WWOX: variants seen among roughly 807,000 people sequenced by gnomAD.
The protein encoded by WWOX is WW domain containing oxidoreductase, also known as WW domain-containing oxidoreductase.
Under a neutral mutation model 46.2 loss-of-function variants are expected in WWOX, and 69 were observed. The observed-to-expected ratio is 1.49, with a 90% CI of 1.23 to 1.82. The LOEUF (loss-of-function observed/expected upper bound fraction) is 1.82, where lower values mean the gene tolerates loss of function less well. Ranked by LOEUF, WWOX falls within the 40% of genes most tolerant of loss-of-function variation. The probability of loss-of-function intolerance (pLI) is 0.00; values close to 1 mark genes in which losing one functional copy is unlikely to be tolerated. For synonymous variants in WWOX, 359 were observed against 202.6 expected (o/e 1.77, Z -6.56); for missense variants, 919 against 542.6 (o/e 1.69, Z -6.89).
At chr16:79,050,900 T>C (rs921833600) in intron 8 of WWOX, among the ~76,000 whole-genome samples, 5 of 152,222 alleles carry the variant, frequency 3.3e-5, no homozygotes, top group African/African-American at 9.6e-5. Flanking sequence ...TTCATCAATA[T>C]AAGCCCCATA....
intron 5 of WWOX, among the ~76,000 whole-genome samples, chr16:78,316,195 G>A (rs746691179): frequency 1.2e-4 from 18 of 151,974 alleles, no homozygotes; most frequent in African/African-American, 4.3e-4. Flanking sequence ...GCATTCAGTC[G>A]AGACCATGCT....
intron 8 of WWOX, among the ~76,000 whole-genome samples, chr16:78,651,757 C>T (rs1026732153): frequency 2.6e-5 from 4 of 152,172 alleles, no homozygotes; most frequent in South Asian, 2.1e-4. Context: ...GAACCTCTTT[C>T]GTATCAACTT....
At chr16:78,405,505 C>T (rs988670082) in intron 6 of WWOX, among the ~76,000 whole-genome samples, 2 of 152,172 alleles carry the variant, frequency 1.3e-5, no homozygotes, top group Non-Finnish European at 2.9e-5. Flanking sequence ...GTTGATGTTT[C>T]TCATTTTATT....
At chr16:78,335,249 G>A (rs1219994175) in intron 5 of WWOX, among the ~76,000 whole-genome samples, 1 of 152,208 alleles carries the variant, frequency 6.6e-6, no homozygotes, top group African/African-American at 2.4e-5. Flanking sequence ...ATGAAGCCCA[G>A]CGTCCATTAG....
chr16:79,012,323 C>T (rs1349396687), intron 8 of WWOX, among the ~76,000 whole-genome samples: 1 of 152,078 alleles, frequency 6.6e-6, no homozygotes, highest in Non-Finnish European at 1.5e-5. Context: ...ACCTACACTT[C>T]CTGGATTCAA....
intron 8 of WWOX, among the ~76,000 whole-genome samples, chr16:78,447,253 C>T (rs2083582587): frequency 1.3e-5 from 2 of 152,178 alleles, no homozygotes; most frequent in Admixed American, 6.5e-5. Flanking sequence ...TAACTCTGTA[C>T]ATTTACTCCT....
intron 8 of WWOX, among the ~76,000 whole-genome samples, chr16:79,041,409 C>A (rs1220134257): frequency 1.3e-5 from 2 of 152,216 alleles, no homozygotes; most frequent in African/African-American, 4.8e-5. Context: ...CACCACGCCC[C>A]TTGCGGTTCC....
chr16:78,900,233 C>G (rs1462738261), intron 8 of WWOX, among the ~76,000 whole-genome samples: 1 of 151,968 alleles, frequency 6.6e-6, no homozygotes, highest in South Asian at 2.1e-4. Context: ...AGATTAAAGT[C>G]TTTTCTCCTC....
chr16:79,077,514 C>A (rs2048680475), intron 8 of WWOX: 1 of 152,168 alleles, frequency 6.6e-6, no homozygotes, highest in African/African-American at 2.4e-5. Context: ...ATGGTCTAAA[C>A]TGTAAACATG....
At chr16:78,965,219 C>T (rs2046342715) in intron 8 of WWOX, among the ~76,000 whole-genome samples, 1 of 152,110 alleles carries the variant, frequency 6.6e-6, no homozygotes, top group Non-Finnish European at 1.5e-5. Flanking sequence ...AACATGGGAA[C>T]AATAGTAACA....
At chr16:78,468,676 C>G (rs2667546) in intron 8 of WWOX, among the ~76,000 whole-genome samples, 59,262 of 152,010 alleles carry the variant, frequency 0.39, 14,374 homozygotes, top group African/African-American at 0.69. Flanking sequence ...ACCTAGCCTA[C>G]GTTACTGCAC....
At chr16:78,989,708 G>C (rs913842895) in intron 8 of WWOX, among the ~76,000 whole-genome samples, 1 of 149,718 alleles carries the variant, frequency 6.7e-6, no homozygotes, top group African/African-American at 2.5e-5. Context: ...CAGAAGCAGA[G>C]CAGGAGAGAG....
intron 8 of WWOX, among the ~76,000 whole-genome samples, chr16:78,842,352 A>G (rs1299458379): frequency 6.6e-6 from 1 of 151,750 alleles, no homozygotes; most frequent in Non-Finnish European, 1.5e-5. Flanking sequence ...AAAAAAATTA[A>G]ATTAGCTGGG....
At chr16:78,762,989 G>T (rs1261193789) in intron 8 of WWOX, among the ~76,000 whole-genome samples, 1 of 152,162 alleles carries the variant, frequency 6.6e-6, no homozygotes, top group African/African-American at 2.4e-5. Context: ...GGGGGGACCA[G>T]ATGAGCAATA....
chr16:78,636,223 T>A (rs1001431148), intron 8 of WWOX, among the ~76,000 whole-genome samples: 1 of 152,180 alleles, frequency 6.6e-6, no homozygotes, highest in African/African-American at 2.4e-5. Context: ...GGTTAAAGCT[T>A]TGATAGTCCC....
chr16:79,027,748 G>T (rs1448117960), intron 8 of WWOX, among the ~76,000 whole-genome samples: 1 of 151,464 alleles, frequency 6.6e-6, no homozygotes, highest in Non-Finnish European at 1.5e-5. Flanking sequence ...TCTCTTTTTT[G>T]ATTTAGATGT....
chr16:78,500,820 A>G (rs112960652), intron 8 of WWOX, among the ~76,000 whole-genome samples: 4,882 of 152,316 alleles, frequency 0.032, 251 homozygotes, highest in African/African-American at 0.11. Flanking sequence ...GTACAGACCC[A>G]GAGAGCATGT....
intron 5 of WWOX, among the ~76,000 whole-genome samples, chr16:78,164,687 G>T (rs1194122916): frequency 6.6e-6 from 1 of 152,182 alleles, no homozygotes; most frequent in Non-Finnish European, 1.5e-5. Context: ...TGTAGAAGTT[G>T]ATGTTGATAC....
chr16:78,575,507 G>A lies in WWOX; in HGVS notation c.1056+142755G>A, dbSNP rs867892382. ...CATGGAGGACAAGAAGGCACAAATC[G>A]TCTGATTTCACCCCATCCTAAGATC... On this transcript the variant is annotated intron_variant, in intron 8 of 8. Coordinates refer to ENST00000566780, the MANE Select transcript of WWOX (RefSeq NM_016373.4). Among the ~76,000 whole-genome samples the A allele has an allele frequency of 6.0e-4, 92 of 152,078 alleles. 1 individual carries two copies. Among genetic ancestry groups the A allele is most frequent in the African/African-American group, 2.0e-3 (82 of 41,516 alleles).
Sources: allele counts gnomAD v4.1 joint callset (sites outside exome capture counted in the v4.1 genomes callset), GRCh38; gene constraint gnomAD v4.1.1; transcripts MANE v1.5; gene names NCBI Gene and HGNC (gene_info 2026-07-23, HGNC 2026-07-21).